Variants in PPM1A observed in about 807,000 individuals in gnomAD.
PPM1A encodes the protein protein phosphatase 1A.
Under a neutral mutation model 35.0 loss-of-function variants are expected in PPM1A, and 7 were observed. That is an observed-to-expected ratio of 0.20 (90% CI 0.11 to 0.38). PPM1A has a LOEUF of 0.38. PPM1A is among the 10% of genes least tolerant of loss of function. The probability of loss-of-function intolerance (pLI) is 1.00; values close to 1 mark genes in which losing one functional copy is unlikely to be tolerated. For synonymous variants in PPM1A, 153 were observed against 167.3 expected (o/e 0.91, Z 0.66); for missense variants, 239 against 467.8 (o/e 0.51, Z 4.51).
chr14:60,245,994 G>A (rs1490829345), upstream of PPM1A: 2 of 1,579,496 alleles, frequency 1.3e-6, no homozygotes, highest in Non-Finnish European at 8.6e-7. This position sits in a 1 kb window ranked among gnomAD's most constrained non-coding sequence, Gnocchi z 4.2. Context: ...GGAGAAATGA[G>A]AAAAGAGGAA....
chr14:60,296,332 T>G lies in PPM1A; in HGVS notation c.*3850T>G, dbSNP rs73317867. 1.1e-3 allele frequency: 176 copies of G among 158,090 alleles called. No homozygotes were observed. Among genetic ancestry groups the G allele is most frequent in the African/African-American group, 4.1e-3 (170 of 41,862 alleles). 9.8% of individuals were successfully genotyped at this position (158,090 alleles called of 1,614,324 possible). A position where few individuals can be genotyped will look rare whatever the true frequency, so the allele number is the denominator to read the frequency against. ...TACTGCTTTTTTTCTCCATTTTTCG[T>G]TTTGTTTTAATTTTGAATTTCATGG... On this transcript the variant is annotated 3_prime_UTR_variant, in exon 6 of 6. Coordinates refer to ENST00000395076, the MANE Select transcript of PPM1A (RefSeq NM_021003.5). This position sits in a 1 kb window ranked among gnomAD's most constrained non-coding sequence, Gnocchi z 4.4.
At chr14:60,266,290 T>G (rs1407697438) in intron 1 of PPM1A, among the ~76,000 whole-genome samples, 4 of 152,202 alleles carry the variant, frequency 2.6e-5, no homozygotes, top group Non-Finnish European at 5.9e-5. Context: ...ATGTTAACTT[T>G]TGTGTATATA....
intron 4 of PPM1A, among the ~76,000 whole-genome samples, chr14:60,290,431 C>G (rs1174043095): frequency 1.3e-5 from 2 of 152,060 alleles, no homozygotes; most frequent in Non-Finnish European, 2.9e-5. Context: ...TGTCTTTTCC[C>G]TTTCCACTTT....
intron 1 of PPM1A, among the ~76,000 whole-genome samples, chr14:60,276,631 C>T (rs1885792277): frequency 6.6e-6 from 1 of 152,050 alleles, no homozygotes; most frequent in Admixed American, 6.5e-5. Flanking sequence ...TTAAGTGTCC[C>T]TACGTAAATA....
rs1162975829 is a variant in PPM1A at position 60,297,116 on chromosome 14, G to C, written c.*4634G>C. 6.6e-6 allele frequency: 1 copy of C among 151,754 alleles called. No homozygotes were observed. Among genetic ancestry groups the C allele is most frequent in the African/African-American group, 2.4e-5 (1 of 41,280 alleles). The allele number at this position is 151,754 out of a possible 1,614,324, so 9.4% of individuals were successfully genotyped here. ...CCTTGTTTCCTCTACTTTCCTCTTG[G>C]TGTTTTCTCTTTTTTTCAAACAGAA... is the stretch of plus-strand genomic sequence containing the variant. On this transcript the variant is annotated 3_prime_UTR_variant, in exon 6 of 6. Coordinates refer to ENST00000395076, the MANE Select transcript of PPM1A (RefSeq NM_021003.5).
chr14:60,268,202 G>C (rs1884619634), intron 1 of PPM1A: 1 of 699,006 alleles, frequency 1.4e-6, no homozygotes, highest in African/African-American at 1.9e-5. Flanking sequence ...TTAACCTGGA[G>C]TGGTTCTTTA....
At chr14:60,290,014 C>G in intron 4 of PPM1A, 100 bp downstream of exon 4, 1 of 769,044 alleles carries the variant, frequency 1.3e-6, no homozygotes, top group Non-Finnish European at 2.0e-6. Context: ...TGAACTGATG[C>G]AGTTATCTGT....
chr14:60,258,565 A>G (rs916193847), intron 1 of PPM1A, among the ~76,000 whole-genome samples: 1 of 152,126 alleles, frequency 6.6e-6, no homozygotes, highest in Non-Finnish European at 1.5e-5. Flanking sequence ...TAATCTGAAA[A>G]TCAAGTTTTG....
At chr14:60,279,665 C>G (rs1271353682) in intron 1 of PPM1A, among the ~76,000 whole-genome samples, 1 of 152,166 alleles carries the variant, frequency 6.6e-6, no homozygotes, top group Non-Finnish European at 1.5e-5. Flanking sequence ...TAGGGGAGTT[C>G]CTGTTTCTCC....
upstream of PPM1A, chr14:60,246,101 T>C: frequency 6.8e-7 from 1 of 1,468,256 alleles, no homozygotes; most frequent in Non-Finnish European, 9.1e-7. Flanking sequence ...TTTCTAACTC[T>C]TGAGTAGTGA....
rs535504640 is a variant in PPM1A, at chr14:60,277,745, T to G, written c.-20-4939T>G. Among the ~76,000 whole-genome samples the G allele has an allele frequency of 1.4e-4, 21 of 152,326 alleles. No homozygotes were observed. The East Asian group carries it at 3.3e-3, about 24-fold the overall frequency. ...AATTAAACAGTGCCTGTTTGCTGAC[T>G]GCCTCATTTTTGCCAGGCTCTGTAT... On this transcript the variant is annotated intron_variant, in intron 1 of 5. Coordinates refer to ENST00000395076, the MANE Select transcript of PPM1A (RefSeq NM_021003.5).
chr14:60,278,562 T>C (rs948862403), intron 1 of PPM1A, among the ~76,000 whole-genome samples: 1 of 152,226 alleles, frequency 6.6e-6, no homozygotes, highest in African/African-American at 2.4e-5. Flanking sequence ...CTCTTTTCTT[T>C]GTCTTCCCAG....
chr14:60,271,174 C>T (rs961714171), intron 1 of PPM1A, among the ~76,000 whole-genome samples: 2 of 152,150 alleles, frequency 1.3e-5, no homozygotes. Flanking sequence ...TTAAGACCAG[C>T]GTCTTCAAAT....
intron 4 of PPM1A, 52 bp from the exon 5 acceptor site, chr14:60,291,345 A>G: frequency 7.7e-7 from 1 of 1,295,698 alleles, no homozygotes; most frequent in Non-Finnish European, 1.1e-6. Flanking sequence ...TGAGTTACTA[A>G]GCAATGTTTT....
chr14:60,282,542 T>C lies in PPM1A; in HGVS notation c.-20-142T>C. 9.3e-7 allele frequency: 1 copy of C among 1,080,786 alleles called. No individual in the cohort carries two copies. Among genetic ancestry groups the C allele is most frequent in the Non-Finnish European group, 1.3e-6 (1 of 768,824 alleles). 66.9% of individuals were successfully genotyped at this position (1,080,786 alleles called of 1,614,324 possible). On this transcript the variant is annotated intron_variant, in intron 1 of 5. Transcript: ENST00000395076. This position sits in a 1 kb window ranked among gnomAD's most constrained non-coding sequence, Gnocchi z 5.1. ...CAGTTCCTCCTTGTTAATCTCCAGA[T>C]TCCAAGTCAGCAACACAATGAATGT...
intron 3 of PPM1A, chr14:60,286,857 C>T (rs1165281754): frequency 1.9e-5 from 19 of 982,814 alleles, no homozygotes; most frequent in Middle Eastern, 5.2e-4. Flanking sequence ...ATTCATTGGA[C>T]GTACTATTCA....
chr14:60,251,755 G>A (rs559083211), intron 1 of PPM1A, among the ~76,000 whole-genome samples: 7 of 152,280 alleles, frequency 4.6e-5, no homozygotes, highest in African/African-American at 1.7e-4. Flanking sequence ...TTCTAAGTTG[G>A]TGATGGTTCT....
chr14:60,286,539 T>A (rs571035526), intron 3 of PPM1A: 76 of 985,088 alleles, frequency 7.7e-5, no homozygotes, highest in Admixed American at 4.9e-4. Flanking sequence ...AAGAAAAAAA[T>A]TTTAAAAATA....
intron 1 of PPM1A, among the ~76,000 whole-genome samples, chr14:60,253,672 C>T (rs1436781733): frequency 6.6e-6 from 1 of 152,182 alleles, no homozygotes; most frequent in Non-Finnish European, 1.5e-5. Context: ...AAATTAAGTT[C>T]ATTTTCTCAT....
Sources: allele counts gnomAD v4.1 joint callset (sites outside exome capture counted in the v4.1 genomes callset), GRCh38; gene constraint gnomAD v4.1.1; non-coding constraint Gnocchi (gnomAD v3.1); transcripts MANE v1.5; gene names NCBI Gene and HGNC (gene_info 2026-07-23, HGNC 2026-07-21).